The following ALG8 variants were observed in gnomAD, a reference collection of about 807,000 sequenced individuals.
ALG8 encodes the protein ALG8 alpha-1,3-glucosyltransferase, also known as dolichyl pyrophosphate Glc1Man9GlcNAc2 alpha-1,3-glucosyltransferase.
Under a neutral mutation model 70.2 loss-of-function variants are expected in ALG8, and 48 were observed. That is an observed-to-expected ratio of 0.68 (90% CI 0.54 to 0.87). The LOEUF (loss-of-function observed/expected upper bound fraction) is 0.87, where lower values mean the gene tolerates loss of function less well. Among genes scored for constraint, ALG8 ranks in the 40% least tolerant of loss-of-function variants. The pLI is 0.00. For synonymous variants in ALG8, 234 were observed against 229.0 expected (o/e 1.02, Z -0.20); for missense variants, 572 against 608.7 (o/e 0.94, Z 0.64).
At chr11:78,134,745 G>A (rs1861469348) in intron 1 of ALG8, among the ~76,000 whole-genome samples, 1 of 152,128 alleles carries the variant, frequency 6.6e-6, no homozygotes, top group African/African-American at 2.4e-5. Context: ...ATCCACTCAA[G>A]TTGTATCATG....
rs770104269 is a variant in ALG8, at chr11:78,124,059, G to A, written c.330C>T (p.Val110=). 3.3e-5 allele frequency: 54 copies of A among 1,614,084 alleles called. No individual in the cohort carries two copies. Among genetic ancestry groups the A allele is most frequent in the Non-Finnish European group, 4.2e-5 (50 of 1,180,026 alleles). The change falls in exon 3 of 13, where the codon GTC becomes GTT. Residue 110 remains valine, a synonymous_variant. Coordinates refer to ENST00000299626, the MANE Select transcript of ALG8 (RefSeq NM_024079.5). ...ACACAAAGAGTACATCCATAAAGAT[G>A]ACGGAAAATCTCTGGAAAAGTAAGG... is the stretch of plus-strand genomic sequence containing the variant. ...SRTLLFQRFS[V]IFMDVLFVYA... is the part of the protein sequence containing the mutation.
intron 4 of ALG8, 139 bp from the exon 5 acceptor site, chr11:78,119,388 T>C: frequency 3.1e-6 from 2 of 643,936 alleles, no homozygotes. Flanking sequence ...GGACTGCTCA[T>C]AAATATGTTT....
At position 78,112,792 on chromosome 11, in the gene ALG8, C is replaced by G. The variant is rs765284772; in HGVS notation, c.778-22G>C. ...GATTCTGTTGAAAAGAGAAATGAAA[C>G]TGATTAAACAGTCATCAATCTTTTT... On this transcript the variant is annotated intron_variant, in intron 7 of 12. Coordinates refer to ENST00000299626, the MANE Select transcript of ALG8 (RefSeq NM_024079.5). 9.9e-6 allele frequency: 16 copies of G among 1,611,668 alleles called. No homozygotes were observed. In the South Asian group the frequency reaches 1.8e-4, roughly 18 times the overall value.
In ALG8 at chr11:78,112,704, C is replaced by A; in HGVS notation, c.844G>T (p.Ala282Ser). Reference protein sequence around the residue: ...FKRGLCHAYWAPNFWALYNAL... With the variant: ...FKRGLCHAYWSPNFWALYNAL... ...TTGTACAAAGCCCAGAAGTTTGGAG[C>A]CCAATATGCATGACAGAGGCCCCTC... The change falls in exon 8 of 13, where the codon GCT (alanine) becomes TCT (serine). Residue 282 changes from alanine (A) to serine (S), a missense_variant. Physicochemically the swap from Ala to Ser is moderately conservative, Grantham distance 99 (BLOSUM62 1). Transcript: ENST00000299626. 2 of 1,614,058 alleles carry A rather than the reference C, an allele frequency of 1.2e-6. No homozygotes were observed. Among genetic ancestry groups the A allele is most frequent in the Non-Finnish European group, 1.7e-6 (2 of 1,179,954 alleles).
chr11:78,130,922 T>C (rs1861283200), intron 1 of ALG8, among the ~76,000 whole-genome samples: 1 of 152,184 alleles, frequency 6.6e-6, no homozygotes, highest in Admixed American at 6.5e-5. Context: ...GTCCTTAATT[T>C]TGGCAATAAC....
At chr11:78,118,742 G>C (rs1017396675) in intron 5 of ALG8, among the ~76,000 whole-genome samples, 1 of 151,632 alleles carries the variant, frequency 6.6e-6, no homozygotes, top group Non-Finnish European at 1.5e-5. Context: ...TCAGGAGTTC[G>C]AGCCAACATG....
At chr11:78,119,308 G>A (rs1860715692) in intron 4 of ALG8, 59 bp from the exon 5 acceptor site, 1 of 1,225,672 alleles carries the variant, frequency 8.2e-7, no homozygotes, top group Admixed American at 1.7e-5. Context: ...AACTATACCA[G>A]CTGATGGAGT....
At chr11:78,120,427 C>T (rs1057494297) in intron 4 of ALG8, among the ~76,000 whole-genome samples, 6 of 152,140 alleles carry the variant, frequency 3.9e-5, no homozygotes, top group Non-Finnish European at 8.8e-5. Flanking sequence ...TTAGAATTTT[C>T]CTCTTTAGAG....
chr11:78,132,917 A>C (rs1235632932), intron 1 of ALG8, among the ~76,000 whole-genome samples: 1 of 149,150 alleles, frequency 6.7e-6, no homozygotes, highest in Admixed American at 6.7e-5. Context: ...GCTCACTGCA[A>C]GCTCCGCCTT....
Position 78,125,157 on chromosome 11 carries a change from C to T in ALG8, c.175-943G>A, listed in dbSNP as rs1036255298. Among the ~76,000 whole-genome samples the T allele has an allele frequency of 5.3e-5, 8 of 151,778 alleles. No individual in the cohort carries two copies. In the East Asian group the frequency reaches 7.8e-4, roughly 15 times the overall value. Reference sequence around the variant, plus strand: ...ACACCATTCTCCTGCCTCAGCCTCCCGAGTAGCTGGGACTACAGGAGCCCG... The same window carrying T: ...ACACCATTCTCCTGCCTCAGCCTCCTGAGTAGCTGGGACTACAGGAGCCCG... On this transcript the variant is annotated intron_variant, in intron 2 of 12. Transcript: ENST00000299626.
chr11:78,136,429 C>T (rs1413371093), intron 1 of ALG8, among the ~76,000 whole-genome samples: 1 of 151,846 alleles, frequency 6.6e-6, no homozygotes, highest in African/African-American at 2.4e-5. Flanking sequence ...CCCAGCTATT[C>T]GGGAGGCTGA....
At chr11:78,129,579 G>T (rs1861219265) in intron 1 of ALG8, among the ~76,000 whole-genome samples, 1 of 152,154 alleles carries the variant, frequency 6.6e-6, no homozygotes, top group Admixed American at 6.5e-5. Context: ...GGGACTCACA[G>T]GGAGACCCTT....
At chr11:78,101,412 T>A (rs370907340) in intron 12 of ALG8, among the ~76,000 whole-genome samples, 1 of 152,184 alleles carries the variant, frequency 6.6e-6, no homozygotes, top group Non-Finnish European at 1.5e-5. Context: ...GTGGATCACC[T>A]GAGGTCAGGA....
chr11:78,139,561 T>C lies in ALG8; in HGVS notation c.28A>G (p.Thr10Ala). The change falls in exon 1 of 13, where the codon ACT becomes GCT. Residue 10 changes from threonine to alanine, a missense_variant. Thr to Ala is a moderately conservative substitution (Grantham distance 58, BLOSUM62 0). Transcript: ENST00000299626. ...GCCAAAGCCGAAAACCAATTGCCAG[T>C]ACCCGTGGCAATTGTGAGCGCCGCC... MAALTIATG[T>A]GNWFSALALG... 2 of 1,560,096 alleles carry C rather than the reference T, an allele frequency of 1.3e-6. No individual in the cohort carries two copies. The highest frequency in any genetic ancestry group is 1.7e-6 in the Non-Finnish European group (2 of 1,151,578).
intron 2 of ALG8, among the ~76,000 whole-genome samples, chr11:78,125,267 C>T (rs539158065): frequency 1.9e-4 from 29 of 151,748 alleles, no homozygotes; most frequent in South Asian, 6.3e-4. Context: ...CTCCTGACTT[C>T]GTGATCCGCC....
chr11:78,103,982 G>A lies in ALG8; in HGVS notation c.1347C>T (p.Phe449=), dbSNP rs923086678. Residue 449 remains phenylalanine, a splice_region_variant and synonymous_variant, in exon 12 of 13, where the codon TTC becomes TTT. Transcript: ENST00000299626. ...ATTTTAAACATTTTTTTGATTACCT[G>A]AATAAAGTCTTCAGTGACGAAATAC... The part of the protein sequence containing the change: ...IYSISSLKTL[F]RKEKPLFNWM... 1.4e-6 allele frequency: 2 copies of A among 1,465,522 alleles called. No individual in the cohort carries two copies. The highest frequency in any genetic ancestry group is 1.7e-5 in the Admixed American group (1 of 58,316). 90.8% of individuals were successfully genotyped at this position (1,465,522 alleles called of 1,614,324 possible). A position where few individuals can be genotyped will look rare whatever the true frequency, so the allele number is the denominator to read the frequency against.
chr11:78,125,886 G>C (rs770948577), intron 2 of ALG8, among the ~76,000 whole-genome samples: 2 of 151,504 alleles, frequency 1.3e-5, no homozygotes, highest in South Asian at 4.2e-4. Flanking sequence ...TGGGCCGGGC[G>C]CAGTGGCTCA....
intron 5 of ALG8, among the ~76,000 whole-genome samples, chr11:78,117,734 C>T (rs951827700): frequency 2.0e-5 from 3 of 151,322 alleles, no homozygotes; most frequent in Non-Finnish European, 4.4e-5. Flanking sequence ...GCCATGATTG[C>T]GCCAGTGCAC....
intron 3 of ALG8, 113 bp from the exon 4 acceptor site, chr11:78,121,287 CTTTTT>C: frequency 1.6e-6 from 1 of 625,138 alleles, no homozygotes; most frequent in African/African-American, 2.0e-5. Context: ...ACATGCCATT[CTTTTT>C]TTTTTTTTTT....
Sources: gnomAD v4.1 joint callset for allele counts (sites outside exome capture counted in the v4.1 genomes callset) on GRCh38, gnomAD v4.1.1 for gene constraint, MANE v1.5 for transcripts, NCBI Gene and HGNC (gene_info 2026-07-23, HGNC 2026-07-21) for gene names.